FRMD4B: variants seen among roughly 807,000 people sequenced by gnomAD.
The protein encoded by FRMD4B is FERM domain containing 4B, also known as FERM domain-containing protein 4B.
A neutral mutation model predicts 141.5 loss-of-function variants in FRMD4B; 74 were observed. That is an observed-to-expected ratio of 0.52 (90% confidence interval 0.43 to 0.63). FRMD4B has a LOEUF of 0.63. FRMD4B is among the 30% of genes least tolerant of loss of function. FRMD4B has a pLI of 0.00. For missense variants in FRMD4B, 1,366 were observed against 1,253.4 expected (o/e 1.09, Z -1.36); for synonymous variants, 506 against 467.9 (o/e 1.08, Z -1.05).
At chr3:69,483,965 C>T (rs1294811088) in intron 1 of FRMD4B, among the ~76,000 whole-genome samples, 3 of 152,152 alleles carry the variant, frequency 2.0e-5, no homozygotes, top group African/African-American at 7.2e-5. Flanking sequence ...AAATAAAATA[C>T]ATCTTAGCTT....
At chr3:69,194,772 G>A (rs9849435) in intron 16 of FRMD4B, among the ~76,000 whole-genome samples, 149,397 of 152,302 alleles carry the variant, frequency 0.98, 73,340 homozygotes, top group East Asian at 1. Flanking sequence ...TTCTTATAAT[G>A]CTGACTCTCA....
At chr3:69,507,262 C>A (rs1430201788) in intron 1 of FRMD4B, among the ~76,000 whole-genome samples, 1 of 152,068 alleles carries the variant, frequency 6.6e-6, no homozygotes, top group Admixed American at 6.6e-5. Context: ...AGTGAAAGGT[C>A]CATCTCTCTT....
intron 1 of FRMD4B, among the ~76,000 whole-genome samples, chr3:69,457,594 T>G (rs186698666): frequency 2.4e-4 from 36 of 152,350 alleles, no homozygotes; most frequent in Non-Finnish European, 4.4e-5. Flanking sequence ...GTTAAAATCT[T>G]GTGCCACGTT....
intron 1 of FRMD4B, among the ~76,000 whole-genome samples, chr3:69,357,105 T>C (rs1036814028): frequency 3.9e-5 from 6 of 152,160 alleles, no homozygotes; most frequent in Non-Finnish European, 8.8e-5. Context: ...GGTGGGGCTC[T>C]AGGTGCAAAG....
At chr3:69,496,514 A>T (rs1706390651) in intron 1 of FRMD4B, among the ~76,000 whole-genome samples, 1 of 152,018 alleles carries the variant, frequency 6.6e-6, no homozygotes, top group Non-Finnish European at 1.5e-5. Flanking sequence ...GTTGGTTTAG[A>T]CGTACAAGAC....
chr3:69,183,092 G>C (rs2092726249), intron 19 of FRMD4B, among the ~76,000 whole-genome samples: 2 of 152,080 alleles, frequency 1.3e-5, no homozygotes, highest in African/African-American at 4.8e-5. Context: ...CTCCTTTTTT[G>C]TAAACAGTCT....
intron 5 of FRMD4B, among the ~76,000 whole-genome samples, chr3:69,284,218 G>A (rs1356825651): frequency 6.6e-6 from 1 of 152,108 alleles, no homozygotes; most frequent in Non-Finnish European, 1.5e-5. Context: ...AGAACAGTCT[G>A]CCAGAGAAAA....
At chr3:69,400,944 C>G (rs1238073966) in intron 2 of FRMD4B, among the ~76,000 whole-genome samples, 1 of 152,178 alleles carries the variant, frequency 6.6e-6, no homozygotes, top group Non-Finnish European at 1.5e-5. Flanking sequence ...ATACTTAAGT[C>G]TGTTAACTGA....
intron 4 of FRMD4B, chr3:69,293,112 C>T (rs1019818915): frequency 2.5e-6 from 1 of 405,824 alleles, no homozygotes; most frequent in Non-Finnish European, 4.9e-6. Flanking sequence ...CAGAACATTA[C>T]ACCACTGTGA....
chr3:69,279,225 C>G (rs1223311046), intron 5 of FRMD4B, among the ~76,000 whole-genome samples: 1 of 152,130 alleles, frequency 6.6e-6, no homozygotes, highest in African/African-American at 2.4e-5. Flanking sequence ...AATAGGAATG[C>G]AATGATGTTT....
chr3:69,245,243 G>A (rs1311658010), intron 7 of FRMD4B, among the ~76,000 whole-genome samples: 5 of 152,122 alleles, frequency 3.3e-5, no homozygotes, highest in African/African-American at 1.2e-4. Context: ...TTTGAATCAG[G>A]CTGTCTGGTT....
chr3:69,517,468 G>C (rs182545619), intron 1 of FRMD4B, among the ~76,000 whole-genome samples: 1 of 152,254 alleles, frequency 6.6e-6, no homozygotes, highest in Admixed American at 6.5e-5. Flanking sequence ...AGTAGTGTTA[G>C]GATCAGAGAT....
intron 17 of FRMD4B, among the ~76,000 whole-genome samples, chr3:69,190,789 G>A (rs894645922): frequency 3.3e-5 from 5 of 152,178 alleles, no homozygotes; most frequent in African/African-American, 1.2e-4. Flanking sequence ...CTGGGGAGAT[G>A]TCCTGTGCAT....
intron 4 of FRMD4B, chr3:69,292,882 TA>T (rs1445454409): frequency 1.5e-5 from 4 of 260,952 alleles, no homozygotes; most frequent in Non-Finnish European, 3.1e-5. Context: ...GCGATTTCAC[TA>T]AGGTTTTCTT....
intron 6 of FRMD4B, 120 bp from the exon 7 acceptor site, chr3:69,249,368 C>G: frequency 1.5e-6 from 1 of 654,300 alleles, no homozygotes; most frequent in Non-Finnish European, 2.7e-6. Context: ...GAGTGTTTCT[C>G]AGGAATGCTC....
At chr3:69,363,142 C>T (rs191825967) in intron 1 of FRMD4B, among the ~76,000 whole-genome samples, 6 of 151,948 alleles carry the variant, frequency 3.9e-5, no homozygotes, top group South Asian at 4.2e-4. Context: ...TTTTTCCACC[C>T]GGCCCATTCT....
intron 1 of FRMD4B, among the ~76,000 whole-genome samples, chr3:69,493,545 AT>A (rs1327825868): frequency 7.2e-5 from 11 of 152,218 alleles, no homozygotes; most frequent in Admixed American, 2.0e-4. Flanking sequence ...GTAAGGAAAC[AT>A]TTTAAGGTCC....
intron 1 of FRMD4B, among the ~76,000 whole-genome samples, chr3:69,382,081 C>T (rs1393755043): frequency 6.6e-6 from 1 of 152,066 alleles, no homozygotes; most frequent in South Asian, 2.1e-4. Flanking sequence ...ACTCTGTTGC[C>T]CAGGTTGGAG....
chr3:69,216,053 C>T (rs2093137160), intron 11 of FRMD4B, among the ~76,000 whole-genome samples: 1 of 151,982 alleles, frequency 6.6e-6, no homozygotes, highest in South Asian at 2.1e-4. Context: ...ACTTGGGAGG[C>T]TGAGGCAGGA....
Sources: allele counts gnomAD v4.1 joint callset (sites outside exome capture counted in the v4.1 genomes callset), GRCh38; gene constraint gnomAD v4.1.1; transcripts MANE v1.5; gene names NCBI Gene and HGNC (gene_info 2026-07-23, HGNC 2026-07-21).